The following TRIM71 variants were observed in gnomAD, a reference collection of about 807,000 sequenced individuals.
The protein encoded by TRIM71 is E3 ubiquitin-protein ligase TRIM71.
TRIM71 carries 9 observed loss-of-function variants against 61.2 expected under a neutral mutation model. That is an observed-to-expected ratio of 0.15 (90% CI 0.09 to 0.26). The LOEUF (loss-of-function observed/expected upper bound fraction) is 0.26, where lower values mean the gene tolerates loss of function less well. Among genes scored for constraint, TRIM71 ranks in the 10% least tolerant of loss-of-function variants. The probability of loss-of-function intolerance (pLI) is 1.00; values close to 1 mark genes in which losing one functional copy is unlikely to be tolerated. For missense variants in TRIM71, 998 were observed against 1,238.7 expected, an observed-to-expected ratio of 0.81 and a Z score of 2.92; for synonymous variants, 645 against 553.2, an observed-to-expected ratio of 1.17 and a Z score of -2.33.
At chr3:32,888,225 C>T (rs975940451) in intron 3 of TRIM71, among the ~76,000 whole-genome samples, 2 of 151,938 alleles carry the variant, frequency 1.3e-5, no homozygotes, top group South Asian at 2.1e-4. Flanking sequence ...ATGCCAAAAG[C>T]GTGCTATGTT....
At chr3:32,878,240 G>A (rs916053809) in intron 2 of TRIM71, among the ~76,000 whole-genome samples, 3 of 152,222 alleles carry the variant, frequency 2.0e-5, no homozygotes, top group Non-Finnish European at 2.9e-5. Flanking sequence ...GTGACCAGGT[G>A]CATTGTCAAT....
chr3:32,890,577 G>A lies in TRIM71; in HGVS notation c.1373G>A (p.Arg458Gln), dbSNP rs370585787. 4.2e-5 allele frequency: 68 copies of A among 1,613,876 alleles called. No individual in the cohort carries two copies. Among genetic ancestry groups the A allele is most frequent in the East Asian group, 4.0e-4 (18 of 44,894 alleles). The change falls in exon 4 of 4, where the codon CGA becomes CAA. Residue 458 changes from arginine to glutamine, a missense_variant. Coordinates refer to ENST00000383763, the MANE Select transcript of TRIM71 (RefSeq NM_001039111.3). This position sits in a 1 kb window ranked among gnomAD's most constrained non-coding sequence, Gnocchi z 6.2. ...CTCCTGCAGCCCCAGGAAGACGACC[G>A]AGTCATGTTCACACCCCCCGATCAG... ...RSLLQPQEDD[R>Q]VMFTPPDQAL...
chr3:32,890,970 T>C lies in TRIM71; in HGVS notation c.1766T>C (p.Ile589Thr), dbSNP rs1559552272. ...AAGTCAGGCCGCAGCTACGTGGGCA[T>C]TGGGCTCCCGGGCCTGAGCTTCGGC... ...VVKSGRSYVG[I>T]GLPGLSFGSE... Residue 589 changes from isoleucine (I) to threonine (T), a missense_variant, in exon 4 of 4, where the codon ATT (isoleucine) becomes ACT (threonine). By Grantham distance (89) the Ile-to-Thr change is moderately conservative (BLOSUM62 -1). This residue lies in a region of TRIM71 where 291 missense variants were observed against 431.2 expected (regional missense o/e 0.67). Transcript: ENST00000383763. The surrounding 1 kb of genome is among the most constrained non-coding windows in gnomAD (Gnocchi z 6.2). The C allele has an allele frequency of 3.1e-6, 5 of 1,614,078 alleles. No homozygotes were observed. The highest frequency in any genetic ancestry group is 1.3e-5 in the African/African-American group (1 of 74,952).
chr3:32,854,076 C>T (rs1475079884), intron 1 of TRIM71, among the ~76,000 whole-genome samples: 1 of 152,096 alleles, frequency 6.6e-6, no homozygotes, highest in African/African-American at 2.4e-5. Flanking sequence ...GCAACCTCTG[C>T]CTCCTGGGTT....
intron 1 of TRIM71, among the ~76,000 whole-genome samples, chr3:32,855,863 C>G (rs751420641): frequency 7.9e-5 from 12 of 152,184 alleles, no homozygotes; most frequent in African/African-American, 2.9e-4. Flanking sequence ...GGACAGCATA[C>G]AGGAGAGATG....
chr3:32,833,686 G>GCC (rs1696301439), intron 1 of TRIM71, among the ~76,000 whole-genome samples: 1 of 141,270 alleles, frequency 7.1e-6, no homozygotes, highest in South Asian at 2.3e-4. Flanking sequence ...TTTATTTTTG[G>GCC]CTCAGGCTAA....
In TRIM71 at chr3:32,826,499, G is replaced by GT. The variant is rs774146395; in HGVS notation, c.852+7575dup. ...TACTCATATTAGACTTAGGCTAATA[G>GT]TTTTTTTTGTCATCCTTACTGTAGA... On this transcript the variant is annotated intron_variant, in intron 1 of 3. Transcript: ENST00000383763. Among the ~76,000 whole-genome samples the GT allele has an allele frequency of 8.7e-4, 124 of 143,038 alleles. 1 individual carries two copies. The highest frequency in any genetic ancestry group is 3.6e-3 in the Middle Eastern group (1 of 276). 93.8% of individuals were successfully genotyped at this position (143,038 alleles called of 152,430 possible).
At chr3:32,869,786 C>CT (rs1469127546) in intron 1 of TRIM71, among the ~76,000 whole-genome samples, 2 of 152,182 alleles carry the variant, frequency 1.3e-5, no homozygotes, top group Non-Finnish European at 2.9e-5. Context: ...GTGGGACGTT[C>CT]TGGAAGCTGG....
At chr3:32,863,759 G>T (rs1167024282) in intron 1 of TRIM71, among the ~76,000 whole-genome samples, 1 of 152,070 alleles carries the variant, frequency 6.6e-6, no homozygotes, top group Non-Finnish European at 1.5e-5. Context: ...TTGGCTCACT[G>T]CAGCCTCTGC....
At chr3:32,825,567 C>G (rs1696191083) in intron 1 of TRIM71, among the ~76,000 whole-genome samples, 1 of 152,162 alleles carries the variant, frequency 6.6e-6, no homozygotes, top group Admixed American at 6.6e-5. Context: ...GAGATGAATT[C>G]TATACTATGC....
At chr3:32,841,677 CG>C (rs1696407771) in intron 1 of TRIM71, among the ~76,000 whole-genome samples, 1 of 152,074 alleles carries the variant, frequency 6.6e-6, no homozygotes, top group Non-Finnish European at 1.5e-5. Flanking sequence ...AGTTTAGTGC[CG>C]TACATTCTTT....
Position 32,874,064 on chromosome 3 carries a change from G to C in TRIM71, c.1020+79G>C, listed in dbSNP as rs1051216672. 16 of 1,460,728 alleles carry C rather than the reference G, an allele frequency of 1.1e-5. No homozygotes were observed. In the Admixed American group the frequency reaches 3.2e-4, roughly 29 times the overall value. 90.5% of individuals were successfully genotyped at this position (1,460,728 alleles called of 1,614,324 possible). The stretch of plus-strand genomic sequence containing the variant: ...GTCGGGTGGCATGGACAGACAATTG[G>C]GCAGATTCCAGTGTGGGGGGTGGAA... On this transcript the variant is annotated intron_variant, in intron 2 of 3. Coordinates refer to ENST00000383763, the MANE Select transcript of TRIM71 (RefSeq NM_001039111.3).
At chr3:32,859,106 C>G (rs1235099745) in intron 1 of TRIM71, among the ~76,000 whole-genome samples, 3 of 152,130 alleles carry the variant, frequency 2.0e-5, no homozygotes, top group Non-Finnish European at 2.9e-5. Flanking sequence ...TTCACAAGTT[C>G]TGTCGAACAG....
rs771002598 is a variant in TRIM71, at chr3:32,891,198, G to A, written c.1994G>A (p.Arg665His). The change falls in exon 4 of 4, where the codon CGC (arginine) becomes CAC (histidine). Residue 665 changes from arginine (R) to histidine (H), a missense_variant. Coordinates refer to ENST00000383763, the MANE Select transcript of TRIM71 (RefSeq NM_001039111.3). The surrounding 1 kb of genome is among the most constrained non-coding windows in gnomAD (Gnocchi z 8.2). ...RPAGVACDAS[R>H]RIVVADKDNH... ...GCCGGCGTGGCCTGTGACGCCTCAC[G>A]CAGGATCGTGGTGGCTGACAAGGAC... 8.1e-6 allele frequency: 13 copies of A among 1,613,454 alleles called. No individual in the cohort carries two copies. The highest frequency in any genetic ancestry group is 2.2e-5 in the East Asian group (1 of 44,884).
At chr3:32,839,350 C>T (rs943738287) in intron 1 of TRIM71, among the ~76,000 whole-genome samples, 2 of 151,982 alleles carry the variant, frequency 1.3e-5, no homozygotes, top group Non-Finnish European at 2.9e-5. Context: ...CTTGCCTCAG[C>T]CTCTTGAGTA....
chr3:32,828,008 A>C (rs1374724458), intron 1 of TRIM71, among the ~76,000 whole-genome samples: 3 of 152,176 alleles, frequency 2.0e-5, no homozygotes, highest in Admixed American at 6.5e-5. Flanking sequence ...TCTGCACTTA[A>C]GTTTTGCTGC....
chr3:32,880,645 GA>G (rs1289995377), intron 2 of TRIM71, among the ~76,000 whole-genome samples: 1 of 152,174 alleles, frequency 6.6e-6, no homozygotes, highest in East Asian at 1.9e-4. Flanking sequence ...GAACAGCATG[GA>G]AGATGTAGCA....
chr3:32,879,672 T>TA (rs34024813), intron 2 of TRIM71, among the ~76,000 whole-genome samples: 130 of 148,064 alleles, frequency 8.8e-4, no homozygotes, highest in Non-Finnish European at 9.0e-4. Flanking sequence ...TTCAATTTCT[T>TA]AAAAAAAAAA....
chr3:32,878,234 C>T (rs1696870533), intron 2 of TRIM71, among the ~76,000 whole-genome samples: 1 of 152,214 alleles, frequency 6.6e-6, no homozygotes, highest in Non-Finnish European at 1.5e-5. Flanking sequence ...TTCTGGGTGA[C>T]CAGGTGCATT....
Sources: allele counts gnomAD v4.1 joint callset (sites outside exome capture counted in the v4.1 genomes callset), GRCh38; gene constraint gnomAD v4.1.1; regional missense constraint gnomAD v4.1.1; non-coding constraint Gnocchi (gnomAD v3.1); transcripts MANE v1.5; gene names NCBI Gene and HGNC (gene_info 2026-07-23, HGNC 2026-07-21).